MPZL1: variants seen among roughly 807,000 people sequenced by gnomAD.
MPZL1 encodes myelin protein zero-like protein 1.
In MPZL1, 16 loss-of-function variants were observed where a neutral mutation model predicts 29.3. The observed-to-expected ratio is 0.55, with a 90% CI of 0.37 to 0.83. The LOEUF (loss-of-function observed/expected upper bound fraction) is 0.83. Among genes scored for constraint, MPZL1 ranks in the 40% least tolerant of loss-of-function variants. The probability of loss-of-function intolerance (pLI) is 0.00; values close to 1 mark genes in which losing one functional copy is unlikely to be tolerated. For missense variants in MPZL1, 279 were observed against 332.9 expected, an observed-to-expected ratio of 0.84 and a Z score of 1.26; for synonymous variants, 143 against 132.0, an observed-to-expected ratio of 1.08 and a Z score of -0.57.
chr1:167,765,790 G>A (rs1278409022), intron 2 of MPZL1, 41 bp downstream of exon 2: 1 of 1,515,586 alleles, frequency 6.6e-7, no homozygotes, highest in African/African-American at 1.4e-5. Context: ...CTGCCTCACA[G>A]GTTTCTTTAC....
intron 5 of MPZL1, among the ~76,000 whole-genome samples, chr1:167,777,055 T>C (rs1157326330): frequency 6.6e-6 from 1 of 152,126 alleles, no homozygotes; most frequent in Non-Finnish European, 1.5e-5. Context: ...AGAACCCAGG[T>C]GTCTAGATAG....
At chr1:167,723,694 G>A (rs1660085939) in intron 1 of MPZL1, among the ~76,000 whole-genome samples, 1 of 152,216 alleles carries the variant, frequency 6.6e-6, no homozygotes, top group Admixed American at 6.5e-5. Context: ...AAACTACATA[G>A]TAGTGAAAAG....
At chr1:167,743,242 C>T (rs1030749966) in intron 1 of MPZL1, among the ~76,000 whole-genome samples, 29 of 151,744 alleles carry the variant, frequency 1.9e-4, no homozygotes, top group Admixed American at 1.6e-3. Context: ...GACAGAGTCT[C>T]GCTCTGTCGC....
intron 1 of MPZL1, among the ~76,000 whole-genome samples, chr1:167,735,570 T>C (rs1174131017): frequency 6.6e-6 from 1 of 152,120 alleles, no homozygotes; most frequent in Non-Finnish European, 1.5e-5. Context: ...CTGGCATAGA[T>C]AGATAGATAG....
chr1:167,763,234 G>C (rs115642428), intron 1 of MPZL1, among the ~76,000 whole-genome samples: 3 of 152,212 alleles, frequency 2.0e-5, no homozygotes, highest in Admixed American at 1.3e-4. Flanking sequence ...CTTGAAGAAG[G>C]CTGGGTGCGG....
At chr1:167,786,384 C>T (rs1172330424) in intron 5 of MPZL1, among the ~76,000 whole-genome samples, 1 of 152,144 alleles carries the variant, frequency 6.6e-6, no homozygotes, top group African/African-American at 2.4e-5. Context: ...TAGGTATCAT[C>T]TTATTTAATT....
rs142570060 is a variant in MPZL1 at position 167,769,699 on chromosome 1, C to T, written c.259-2576C>T. ...CACGGTTCTTAACAAGCATTTAGGT[C>T]ATATGAAATGCAGGGTAAATATTTG... is the stretch of plus-strand genomic sequence containing the variant. On this transcript the variant is annotated intron_variant, in intron 2 of 5. Transcript: ENST00000359523. Among the ~76,000 whole-genome samples the T allele has an allele frequency of 3.6e-3, 542 of 152,164 alleles. 2 individuals are homozygous for T. The highest frequency in any genetic ancestry group is 5.9e-3 in the Non-Finnish European group (402 of 68,006).
rs1221016200 is a variant in MPZL1, at chr1:167,788,717, A to G, written c.*796A>G. On this transcript the variant is annotated 3_prime_UTR_variant, in exon 6 of 6. Transcript: ENST00000359523. The stretch of plus-strand genomic sequence containing the variant: ...TTTTGTAACGTGGAGAGTAAAAAGT[A>G]TCGGTTTTATTCTTTGCTGATGTCC... 6.6e-6 allele frequency: 1 copy of G among 152,202 alleles called. No homozygotes were observed. The highest frequency in any genetic ancestry group is 1.5e-5 in the Non-Finnish European group (1 of 68,046). 9.4% of individuals were successfully genotyped at this position (152,202 alleles called of 1,614,324 possible).
At chr1:167,754,315 C>T (rs1660823178) in intron 1 of MPZL1, among the ~76,000 whole-genome samples, 1 of 152,150 alleles carries the variant, frequency 6.6e-6, no homozygotes, top group Admixed American at 6.5e-5. Flanking sequence ...CATTTTAGAG[C>T]TTCCAAATGC....
intron 1 of MPZL1, among the ~76,000 whole-genome samples, chr1:167,739,322 T>TATACATACATACA (rs1491460804): frequency 7.2e-6 from 1 of 139,576 alleles, no homozygotes; most frequent in Non-Finnish European, 1.5e-5. Flanking sequence ...CATATATATA[T>TATACATACATACA]TTATGTTTAT....
At chr1:167,736,355 C>T (rs1396947558) in intron 1 of MPZL1, among the ~76,000 whole-genome samples, 1 of 152,138 alleles carries the variant, frequency 6.6e-6, no homozygotes, top group Non-Finnish European at 1.5e-5. Context: ...AATGGTGACT[C>T]CCAAATATAT....
intron 1 of MPZL1, among the ~76,000 whole-genome samples, chr1:167,758,533 C>CT (rs376036009): frequency 2.5e-4 from 37 of 147,772 alleles, no homozygotes; most frequent in African/African-American, 3.7e-4. Flanking sequence ...TCTATCTTTG[C>CT]TTTTTTTTTT....
At chr1:167,728,263 A>G (rs1248261296) in intron 1 of MPZL1, among the ~76,000 whole-genome samples, 1 of 151,492 alleles carries the variant, frequency 6.6e-6, no homozygotes, top group Non-Finnish European at 1.5e-5. Flanking sequence ...GCTGGTCTCC[A>G]ACTCCTGACC....
intron 1 of MPZL1, among the ~76,000 whole-genome samples, chr1:167,744,774 C>A (rs1357276982): frequency 6.6e-6 from 1 of 151,564 alleles, no homozygotes; most frequent in Non-Finnish European, 1.5e-5. Flanking sequence ...GTTATAGACT[C>A]CAACAACTAG....
chr1:167,778,567 T>TGG (rs1553256525), intron 5 of MPZL1, among the ~76,000 whole-genome samples: 8 of 151,418 alleles, frequency 5.3e-5, no homozygotes, highest in Non-Finnish European at 7.4e-5. Flanking sequence ...GATGGATGGA[T>TGG]AGATTTAAAA....
intron 2 of MPZL1, 30 bp downstream of exon 2, chr1:167,765,779 C>G (rs139013682): frequency 6.5e-7 from 1 of 1,550,296 alleles, no homozygotes. Flanking sequence ...CTTGGCTAGT[C>G]CTGCCTCACA....
chr1:167,775,055 C>T (rs2101792423), intron 4 of MPZL1, among the ~76,000 whole-genome samples: 1 of 152,292 alleles, frequency 6.6e-6, no homozygotes, highest in Non-Finnish European at 1.5e-5. Flanking sequence ...TTTTTATGCA[C>T]ATCTGAATAT....
At chr1:167,780,918 G>T (rs755857496) in intron 5 of MPZL1, among the ~76,000 whole-genome samples, 8 of 152,068 alleles carry the variant, frequency 5.3e-5, no homozygotes, top group Non-Finnish European at 1.0e-4. Flanking sequence ...GTAAAAGGAT[G>T]GAAATGATAT....
intron 1 of MPZL1, among the ~76,000 whole-genome samples, chr1:167,745,171 A>G (rs935051410): frequency 1.3e-5 from 2 of 152,036 alleles, no homozygotes; most frequent in Non-Finnish European, 2.9e-5. Context: ...TCTTGGTTTG[A>G]ACTTCCCACC....
Sources: gnomAD v4.1 joint callset for allele counts (sites outside exome capture counted in the v4.1 genomes callset) on GRCh38, gnomAD v4.1.1 for gene constraint, MANE v1.5 for transcripts, NCBI Gene and HGNC (gene_info 2026-07-23, HGNC 2026-07-21) for gene names.